The following MACF1 variants were observed in gnomAD, a reference collection of about 807,000 sequenced individuals.
MACF1 encodes the protein microtubule-actin cross-linking factor 1.
MACF1 carries 193 observed loss-of-function variants against 854.8 expected under a neutral mutation model. The observed-to-expected ratio is 0.23, with a 90% confidence interval of 0.20 to 0.25. The LOEUF is 0.25. MACF1 is among the 10% of genes least tolerant of loss of function. The pLI is 1.00. For missense variants in MACF1, 7,722 were observed against 8,929.1 expected (o/e 0.86, Z 5.45); for synonymous variants, 3,185 against 3,226.7 (o/e 0.99, Z 0.44).
At position 39,430,719 on chromosome 1, in the gene MACF1, C is replaced by A. The variant is rs771050982; in HGVS notation, c.17148C>A (p.Val5716=). The A allele has an allele frequency of 6.2e-7, 1 of 1,611,958 alleles. No homozygotes were observed. The highest frequency in any genetic ancestry group is 1.7e-5 in the Admixed American group (1 of 59,964). ...CTCCTTAGGAATTAAAGAAGGAGGTCATGGAGCACAGGCTGGTGTTGGACA... is the reference window on the plus strand; with the variant it reads ...CTCCTTAGGAATTAAAGAAGGAGGTAATGGAGCACAGGCTGGTGTTGGACA... ...QQRQKELKKE[V]MEHRLVLDTV... Residue 5716 remains valine (V), a synonymous_variant, in exon 66 of 101, where the codon GTC becomes GTA. Transcript: ENST00000564288.
chr1:39,090,512 G>A (rs1641776744), intron 2 of MACF1, among the ~76,000 whole-genome samples: 2 of 152,212 alleles, frequency 1.3e-5, no homozygotes, highest in Admixed American at 1.3e-4. Flanking sequence ...TGAGGTGCAG[G>A]GCCCCTGTGG....
At chr1:39,191,202 T>TC (rs1167581422) in intron 2 of MACF1, among the ~76,000 whole-genome samples, 42 of 125,342 alleles carry the variant, frequency 3.4e-4, no homozygotes, top group Middle Eastern at 4.2e-3. Flanking sequence ...TTTCTTTCTT[T>TC]TTTTTTTTTT....
chr1:39,359,305 T>C (rs1647857499), intron 47 of MACF1, 41 bp downstream of exon 47: 26 of 1,605,926 alleles, frequency 1.6e-5, no homozygotes, highest in Non-Finnish European at 2.2e-5. Flanking sequence ...CCTTAATTCC[T>C]AGTATGTACC....
At chr1:39,413,816 CCTT>C in intron 58 of MACF1, 7 of 1,611,476 alleles carry the variant, frequency 4.3e-6, no homozygotes, top group Non-Finnish European at 5.9e-6. Flanking sequence ...GAATCTGCCT[CCTT>C]TGCAGCTGTG....
In MACF1 at chr1:39,335,542, G is replaced by T; in HGVS notation, c.8954G>T (p.Ser2985Ile). ...REKREVIVEESIRTCKPAFLS... is the reference protein window; with the variant it reads ...REKREVIVEEIIRTCKPAFLS... ...AAGAGGGAGGTGATTGTAGAAGAAA[G>T]TATCAGAACATGCAAACCAGCATTT... Residue 2985 changes from serine (S) to isoleucine (I), a missense_variant, in exon 37 of 101, where the codon AGT becomes ATT. By Grantham distance (142) the Ser-to-Ile change is moderately radical. This residue lies in a region of MACF1 where 854 missense variants were observed against 852.6 expected (regional missense o/e 1.00). Coordinates refer to ENST00000564288, the MANE Select transcript of MACF1 (RefSeq NM_001394062.1). The T allele has an allele frequency of 6.2e-7, 1 of 1,614,158 alleles. No homozygotes were observed. The highest frequency in any genetic ancestry group is 8.5e-7 in the Non-Finnish European group (1 of 1,180,010).
chr1:39,368,370 G>A, intron 50 of MACF1, 56 bp downstream of exon 50: 11 of 1,513,768 alleles, frequency 7.3e-6, no homozygotes, highest in South Asian at 1.2e-5. Context: ...TTGTTATGGA[G>A]TGAAATGATC....
chr1:39,424,053 G>A lies in MACF1; in HGVS notation c.16175G>A (p.Arg5392Gln), dbSNP rs781466049. 10 of 1,610,906 alleles carry A rather than the reference G, an allele frequency of 6.2e-6. No homozygotes were observed. The highest frequency in any genetic ancestry group is 4.4e-5 in the South Asian group (4 of 90,828). ...TTGCTCCAGCGGCTCCTAGATGATC[G>A]AAAGGCCACAGTAGACATGCTTCAA... ...QKLLQRLLDD[R>Q]KATVDMLQAE... The change falls in exon 61 of 101, where the codon CGA (arginine) becomes CAA (glutamine). Residue 5392 changes from arginine to glutamine, a missense_variant. Arg to Gln is a conservative substitution (Grantham distance 43). Around this residue, in one of 15 missense-constraint regions of MACF1, gnomAD observed 2,807 missense variants for 3,235.8 expected, o/e 0.87. Coordinates refer to ENST00000564288, the MANE Select transcript of MACF1 (RefSeq NM_001394062.1).
intron 59 of MACF1, 60 bp from the exon 60 acceptor site, chr1:39,422,670 G>A: frequency 6.4e-7 from 1 of 1,566,088 alleles, no homozygotes; most frequent in Non-Finnish European, 8.7e-7. Flanking sequence ...AAAGAGGTCA[G>A]TAGTAATTTG....
At chr1:39,482,892 T>G (rs1039764026) in intron 99 of MACF1, among the ~76,000 whole-genome samples, 9 of 148,074 alleles carry the variant, frequency 6.1e-5, no homozygotes, top group Admixed American at 4.7e-4. Flanking sequence ...GGTGGGCAGA[T>G]CACTTGAGCC....
chr1:39,308,213 A>G (rs1421753241), intron 23 of MACF1, among the ~76,000 whole-genome samples: 2 of 151,924 alleles, frequency 1.3e-5, no homozygotes, highest in African/African-American at 2.4e-5. Flanking sequence ...TTATTTCTTT[A>G]ATTATTTCAT....
intron 55 of MACF1, among the ~76,000 whole-genome samples, chr1:39,381,299 C>G (rs549068390): frequency 4.6e-5 from 7 of 151,352 alleles, no homozygotes; most frequent in Non-Finnish European, 8.8e-5. Flanking sequence ...TCAAGTGATC[C>G]ACCCACCTCG....
chr1:39,369,978 G>A (rs978364319), intron 50 of MACF1, 52 bp from the exon 51 acceptor site: 5 of 1,549,874 alleles, frequency 3.2e-6, no homozygotes, highest in Non-Finnish European at 4.4e-6. Flanking sequence ...CTTAGCTCAA[G>A]TTGACTTTAT....
rs751218372 is a variant in MACF1, at chr1:39,442,001, C to T, written c.18722C>T (p.Pro6241Leu). Residue 6241 changes from proline (P) to leucine (L), a missense_variant, in exon 75 of 101, where the codon CCC becomes CTC. Around this residue, in one of 15 missense-constraint regions of MACF1, gnomAD observed 2,807 missense variants for 3,235.8 expected, o/e 0.87. Transcript: ENST00000564288. Reference protein sequence around the residue: ...DNTVIKLCTMPPVGTDLNTVK... With the variant: ...DNTVIKLCTMLPVGTDLNTVK... The stretch of plus-strand genomic sequence containing the variant: ...ACTGTGATTAAACTCTGCACCATGC[C>T]CCCTGTTGGCACTGACCTCAATACT... 5.0e-6 allele frequency: 8 copies of T among 1,613,956 alleles called. No homozygotes were observed. In the Admixed American group the frequency reaches 1.3e-4, roughly 27 times the overall value.
chr1:39,451,136 G>A lies in MACF1; in HGVS notation c.20343G>A (p.Val6781=). The A allele has an allele frequency of 2.5e-6, 4 of 1,614,174 alleles. No individual in the cohort carries two copies. The highest frequency in any genetic ancestry group is 3.4e-6 in the Non-Finnish European group (4 of 1,180,026). Residue 6781 remains valine, a synonymous_variant, in exon 85 of 101, where the codon GTG becomes GTA. Coordinates refer to ENST00000564288, the MANE Select transcript of MACF1 (RefSeq NM_001394062.1). The part of the protein sequence containing the change: ...LQALVDWLYK[V]EPQLAEDQPV... ...CATTGGTTGACTGGTTATACAAGGT[G>A]GAGCCACAGCTGGCTGAGGACCAGC... is the stretch of plus-strand genomic sequence containing the variant.
intron 29 of MACF1, 94 bp from the exon 30 acceptor site, chr1:39,318,359 C>T (rs961737610): frequency 3.5e-5 from 41 of 1,164,764 alleles, no homozygotes; most frequent in Non-Finnish European, 4.7e-5. Context: ...TGGTCAAGCC[C>T]AGCTGGATAC....
Position 39,350,809 on chromosome 1 carries a change from C to T in MACF1, c.10990C>T (p.Arg3664Cys), listed in dbSNP as rs765567446. 10 of 1,613,704 alleles carry T rather than the reference C, an allele frequency of 6.2e-6. No homozygotes were observed. The highest frequency in any genetic ancestry group is 4.4e-5 in the South Asian group (4 of 91,034). ...LKDLQDDIQN[R>C]ATSFATVVKD... ...GGATTTACAGGATGACATTCAGAAT[C>T]GTGCCACCTCATTTGCCACTGTTGT... Residue 3664 changes from arginine to cysteine, a missense_variant, in exon 43 of 101, where the codon CGT (arginine) becomes TGT (cysteine). By Grantham distance (180) the Arg-to-Cys change is radical. Transcript: ENST00000564288.
At chr1:39,224,886 T>C (rs1483964115) in intron 1 of MACF1, among the ~76,000 whole-genome samples, 1 of 152,204 alleles carries the variant, frequency 6.6e-6, no homozygotes, top group African/African-American at 2.4e-5. Flanking sequence ...GAAACAAGTA[T>C]TAAATCCTTC....
At chr1:39,263,293 T>C (rs1173237457) in intron 6 of MACF1, among the ~76,000 whole-genome samples, 1 of 152,152 alleles carries the variant, frequency 6.6e-6, no homozygotes, top group African/African-American at 2.4e-5. Context: ...AGATTAAAGA[T>C]TTGTGACTGC....
intron 84 of MACF1, 150 bp from the exon 85 acceptor site, chr1:39,450,902 C>T (rs1012378881): frequency 2.6e-5 from 22 of 838,888 alleles, no homozygotes; most frequent in East Asian, 5.8e-5. Context: ...TGAGCCACCG[C>T]GCCCGGCCTT....
Sources: gnomAD v4.1 joint callset for allele counts (sites outside exome capture counted in the v4.1 genomes callset) on GRCh38, gnomAD v4.1.1 for gene constraint, gnomAD v4.1.1 regional missense constraint, MANE v1.5 for transcripts, NCBI Gene and HGNC (gene_info 2026-07-23, HGNC 2026-07-21) for gene names.